The following CBARP variants were observed in gnomAD, a reference collection of about 807,000 sequenced individuals.
The protein encoded by CBARP is CACN subunit beta associated regulatory protein, also known as voltage-dependent calcium channel beta subunit-associated regulatory protein.
In CBARP, 24 loss-of-function variants were observed where a neutral mutation model predicts 36.3. The ratio of observed to expected loss-of-function variants is 0.66; its 90% CI spans 0.48 to 0.93. The LOEUF (loss-of-function observed/expected upper bound fraction) is 0.93. Ranked by LOEUF, CBARP falls within the 40% of genes least tolerant of loss-of-function variation. The pLI is 0.00. For missense variants in CBARP, 1,146 were observed against 980.4 expected (o/e 1.17, Z -2.26); for synonymous variants, 586 against 453.2 (o/e 1.29, Z -3.72).
In CBARP at chr19:1,233,546, C is replaced by T. The variant is rs201771523; in HGVS notation, c.859G>A (p.Val287Ile). ...EAGPGSGAGT[V>I]LQFLTRLRRH... Reference sequence around the variant, plus strand: ...CGCAGGCGGGTGAGGAACTGCAGAACGGTACCTGCCCCGGATCCCGGGCCC... The same window carrying T: ...CGCAGGCGGGTGAGGAACTGCAGAATGGTACCTGCCCCGGATCCCGGGCCC... Residue 287 changes from valine to isoleucine, a missense_variant, in exon 8 of 10, where the codon GTT (valine) becomes ATT (isoleucine). Transcript: ENST00000650044. 964 of 1,604,344 alleles carry T rather than the reference C, an allele frequency of 6.0e-4. No homozygotes were observed. The highest frequency in any genetic ancestry group is 7.4e-4 in the Non-Finnish European group (873 of 1,176,222).
In CBARP at chr19:1,228,355, C is replaced by T. The variant is rs2080844498; in HGVS notation, c.*824G>A. ...AAACGCCATCGCGGGATGGTGCAGA[C>T]GCGGCGGGGACTCGGAGGGTGCCGT... is the stretch of plus-strand genomic sequence containing the variant. On this transcript the variant is annotated 3_prime_UTR_variant, in exon 10 of 10. Coordinates refer to ENST00000650044, the MANE Select transcript of CBARP (RefSeq NM_001393918.1). 3 of 240,458 alleles carry T rather than the reference C, an allele frequency of 1.2e-5. No individual in the cohort carries two copies. The highest frequency in any genetic ancestry group is 6.1e-5 in the East Asian group (1 of 16,460). 14.9% of individuals were successfully genotyped at this position (240,458 alleles called of 1,614,324 possible). A position where few individuals can be genotyped will look rare whatever the true frequency, so the allele number is the denominator to read the frequency against.
In CBARP at chr19:1,235,653, C is replaced by T. The variant is rs562039967; in HGVS notation, c.246-88G>A. The stretch of plus-strand genomic sequence containing the variant: ...GCTCTTTGCCCCAAGCCAAGCCCTG[C>T]GCATCACCCAGTCTCCAGAGGCATA... On this transcript the variant is annotated intron_variant, in intron 3 of 9. Coordinates refer to ENST00000650044, the MANE Select transcript of CBARP (RefSeq NM_001393918.1). The T allele has an allele frequency of 2.0e-5, 31 of 1,583,938 alleles. No individual in the cohort carries two copies. In the East Asian group the frequency reaches 3.7e-4, roughly 19 times the overall value.
chr19:1,230,895 AC>A, intron 9 of CBARP: 1 of 1,557,638 alleles, frequency 6.4e-7, no homozygotes. Context: ...CCCTACCCTT[AC>A]CCAGTCTCTC....
intron 9 of CBARP, 133 bp downstream of exon 9, chr19:1,230,968 G>A (rs1196385182): frequency 1.9e-6 from 3 of 1,565,838 alleles, no homozygotes; most frequent in Non-Finnish European, 2.6e-6. Flanking sequence ...CTCTGGGAGG[G>A]GCCTTGCCGC....
chr19:1,230,725 A>G, intron 9 of CBARP: 1 of 1,289,330 alleles, frequency 7.8e-7, no homozygotes, highest in Non-Finnish European at 9.8e-7. Flanking sequence ...CGGAGTGGTC[A>G]CAGCAGCTTC....
chr19:1,231,861 C>T (rs1389232588), intron 8 of CBARP, among the ~76,000 whole-genome samples: 4 of 151,948 alleles, frequency 2.6e-5, no homozygotes, highest in Non-Finnish European at 2.9e-5. Flanking sequence ...GGCCAGGAAG[C>T]GAGTGAGTGG....
At position 1,235,983 on chromosome 19, in the gene CBARP, C is replaced by T. The variant is rs758109223; in HGVS notation, c.105+13G>A. On this transcript the variant is annotated intron_variant, in intron 2 of 9. Coordinates refer to ENST00000650044, the MANE Select transcript of CBARP (RefSeq NM_001393918.1). ...ACGACCTCCTGCCCCTCCCACCTGT[C>T]CCCTGCACCCACCGTGGGGCGTCCA... 2.5e-6 allele frequency: 4 copies of T among 1,572,442 alleles called. No individual in the cohort carries two copies. The highest frequency in any genetic ancestry group is 1.8e-5 in the Admixed American group (1 of 56,208).
intron 8 of CBARP, among the ~76,000 whole-genome samples, chr19:1,231,936 C>T (rs1599943515): frequency 1.3e-5 from 2 of 152,094 alleles, no homozygotes; most frequent in South Asian, 2.1e-4. Flanking sequence ...CTCATAAGGG[C>T]GTGTCCTGGA....
In CBARP at chr19:1,228,754, G is replaced by C. The variant is rs1433943002; in HGVS notation, c.*425C>G. ...CCGGGCGAGCTCGCGCACGCGCCCGGCACGCGGCGGCTCCATCGGGCCCAG... is the reference window on the plus strand; with the variant it reads ...CCGGGCGAGCTCGCGCACGCGCCCGCCACGCGGCGGCTCCATCGGGCCCAG... On this transcript the variant is annotated 3_prime_UTR_variant, in exon 10 of 10. Transcript: ENST00000650044. 6.8e-6 allele frequency: 1 copy of C among 146,164 alleles called. No individual in the cohort carries two copies. The highest frequency in any genetic ancestry group is 6.7e-5 in the Admixed American group (1 of 14,826). 9.1% of individuals were successfully genotyped at this position (146,164 alleles called of 1,614,324 possible). A position where few individuals can be genotyped will look rare whatever the true frequency, so the allele number is the denominator to read the frequency against.
Position 1,234,250 on chromosome 19 carries a change from C to T in CBARP, c.709G>A (p.Ala237Thr), listed in dbSNP as rs184411443. 772 of 1,483,036 alleles carry T rather than the reference C, an allele frequency of 5.2e-4. 1 individual carries two copies. Among genetic ancestry groups the T allele is most frequent in the Non-Finnish European group, 6.6e-4 (738 of 1,118,028 alleles). The allele number at this position is 1,483,036 out of a possible 1,614,324, so 91.9% of individuals were successfully genotyped here. A position where few individuals can be genotyped will look rare whatever the true frequency, so the allele number is the denominator to read the frequency against. ...GGGCTGATCTCTGCGAAGTCAGTGG[C>T]GCCCGCGGCTGAGTTGTAGGGGTCA... is the stretch of plus-strand genomic sequence containing the variant. ...PGDPYNSAAG[A>T]TDFAEISPSA... Residue 237 changes from alanine (A) to threonine (T), a missense_variant, in exon 7 of 10, where the codon GCC (alanine) becomes ACC (threonine). Coordinates refer to ENST00000650044, the MANE Select transcript of CBARP (RefSeq NM_001393918.1).
Position 1,229,209 on chromosome 19 carries a change from G to A in CBARP, c.2088C>T (p.Ala696=), listed in dbSNP as rs1160924787. ...CCGGGCTGTGGTCGGGGGACGTGGG[G>A]GCGGCGGCGACCAACGCGGGAGTCG... The part of the protein sequence containing the change: ...VVATPALVAA[A]PTSPDHSPA Residue 696 remains alanine (A), a synonymous_variant, in exon 10 of 10, where the codon GCC becomes GCT. Coordinates refer to ENST00000650044, the MANE Select transcript of CBARP (RefSeq NM_001393918.1). This position sits in a 1 kb window ranked among gnomAD's most constrained non-coding sequence, Gnocchi z 5.1. The A allele has an allele frequency of 8.3e-7, 1 of 1,209,062 alleles. No homozygotes were observed. Among genetic ancestry groups the A allele is most frequent in the Non-Finnish European group, 1.1e-6 (1 of 950,476 alleles). The allele number at this position is 1,209,062 out of a possible 1,614,324, so 74.9% of individuals were successfully genotyped here. A position where few individuals can be genotyped will look rare whatever the true frequency, so the allele number is the denominator to read the frequency against.
At position 1,230,040 on chromosome 19, in the gene CBARP, C is replaced by G. The variant is rs1293288679; in HGVS notation, c.1257G>C (p.Pro419=). The G allele has an allele frequency of 8.2e-7, 1 of 1,221,302 alleles. No individual in the cohort carries two copies. Among genetic ancestry groups the G allele is most frequent in the African/African-American group, 1.6e-5 (1 of 60,660 alleles). 75.7% of individuals were successfully genotyped at this position (1,221,302 alleles called of 1,614,324 possible). A position where few individuals can be genotyped will look rare whatever the true frequency, so the allele number is the denominator to read the frequency against. Residue 419 remains proline, a synonymous_variant, in exon 10 of 10, where the codon CCG becomes CCC. Transcript: ENST00000650044. ...CGGGGCCCGCGTCCCGCTCGGCGTC[C>G]GGCTCCAGTGGCGGCTGCTGCTGCT... ...GPEQQQPPLE[P]DAERDAGPEQ... is the part of the protein sequence containing the mutation.
intron 7 of CBARP, 33 bp downstream of exon 7, chr19:1,234,158 T>G (rs200987649): frequency 1.4e-6 from 2 of 1,467,504 alleles, no homozygotes; most frequent in African/African-American, 1.4e-5. Context: ...TCCCCGGCTG[T>G]GGACACCATG....
rs1365944412 is a variant in CBARP, at chr19:1,237,853, G to A, written c.-119C>T. 1.4e-5 allele frequency: 2 copies of A among 147,980 alleles called. No individual in the cohort carries two copies. Among genetic ancestry groups the A allele is most frequent in the African/African-American group, 4.9e-5 (2 of 41,022 alleles). The allele number at this position is 147,980 out of a possible 1,614,324, so 9.2% of individuals were successfully genotyped here. A position where few individuals can be genotyped will look rare whatever the true frequency, so the allele number is the denominator to read the frequency against. On this transcript the variant is annotated 5_prime_UTR_variant, in exon 1 of 10. Transcript: ENST00000650044. ...CCGGCGCCCGGTGGCCGCGGAGCAG[G>A]CGGAGAATTTATGAATGGAGAGCGC...
At position 1,229,469 on chromosome 19, in the gene CBARP, G is replaced by T. The variant is rs1184937786; in HGVS notation, c.1828C>A (p.Arg610=). 28 of 979,008 alleles carry T rather than the reference G, an allele frequency of 2.9e-5. No individual in the cohort carries two copies. The Admixed American group carries it at 1.1e-3, about 38-fold the overall frequency. 60.6% of individuals were successfully genotyped at this position (979,008 alleles called of 1,614,324 possible). ...CGCCGCAAGGGCGCACGCGCGGGTC[G>T]GGCCGCGCCGGCAGGCGGTGCCGGG... is the stretch of plus-strand genomic sequence containing the variant. ...GTPAPPAGAA[R]PARAPLRRGD... The change falls in exon 10 of 10, where the codon CGA becomes AGA. Residue 610 remains arginine (R), a synonymous_variant. Transcript: ENST00000650044. The surrounding 1 kb of genome is among the most constrained non-coding windows in gnomAD (Gnocchi z 5.1).
intron 8 of CBARP, 123 bp from the exon 9 acceptor site, chr19:1,231,398 A>C (rs1599942284): frequency 5.7e-5 from 65 of 1,134,684 alleles, no homozygotes; most frequent in Non-Finnish European, 7.0e-5. Flanking sequence ...GCCACACACA[A>C]CGCCTGTGGA....
At chr19:1,230,767 G>C in intron 9 of CBARP, 1 of 1,360,432 alleles carries the variant, frequency 7.4e-7, no homozygotes, top group Non-Finnish European at 9.4e-7. Context: ...TGGGAGCATG[G>C]GCGGGGCGGG....
rs2080848725 is a variant in CBARP at position 1,228,657 on chromosome 19, C to CA, written c.*521dup. 6.5e-6 allele frequency: 1 copy of CA among 154,248 alleles called. No homozygotes were observed. Among genetic ancestry groups the CA allele is most frequent in the East Asian group, 1.7e-4 (1 of 5,914 alleles). 9.6% of individuals were successfully genotyped at this position (154,248 alleles called of 1,614,324 possible). ...GTAAACGGTCTCGGAGGTCGGCAGT[C>CA]ACGGTGTTGAGCCGCCTCCCGGCCC... On this transcript the variant is annotated 3_prime_UTR_variant, in exon 10 of 10. Transcript: ENST00000650044.
rs1376894017 is a variant in CBARP, at chr19:1,234,300, A to G, written c.659T>C (p.Val220Ala). The change falls in exon 7 of 10, where the codon GTG becomes GCG. Residue 220 changes from valine to alanine, a missense_variant. Physicochemically the swap from Val to Ala is moderately conservative, Grantham distance 64. Coordinates refer to ENST00000650044, the MANE Select transcript of CBARP (RefSeq NM_001393918.1). The stretch of plus-strand genomic sequence containing the variant: ...ACCTGGCAGGGCGGAGCTGGGGCCC[A>G]CAGAGCGGCCGGTGAGGGCCTTCCC... ...PPGKALTGRS[V>A]GPSSALPGDP... The G allele has an allele frequency of 6.9e-7, 1 of 1,447,776 alleles. No individual in the cohort carries two copies. The highest frequency in any genetic ancestry group is 9.1e-7 in the Non-Finnish European group (1 of 1,097,500). The allele number at this position is 1,447,776 out of a possible 1,614,324, so 89.7% of individuals were successfully genotyped here. A position where few individuals can be genotyped will look rare whatever the true frequency, so the allele number is the denominator to read the frequency against.
Sources: gnomAD v4.1 joint callset for allele counts (sites outside exome capture counted in the v4.1 genomes callset) on GRCh38, gnomAD v4.1.1 for gene constraint, Gnocchi (gnomAD v3.1) non-coding constraint, MANE v1.5 for transcripts, NCBI Gene and HGNC (gene_info 2026-07-23, HGNC 2026-07-21) for gene names.